The following CKAP5 variants were observed in gnomAD, a reference collection of about 807,000 sequenced individuals.
The protein encoded by CKAP5 is cytoskeleton-associated protein 5.
Under a neutral mutation model 232.8 loss-of-function variants are expected in CKAP5, and 27 were observed. The ratio of observed to expected loss-of-function variants is 0.12; its 90% CI spans 0.09 to 0.16. CKAP5 has a LOEUF of 0.16. Among genes scored for constraint, CKAP5 ranks in the 10% least tolerant of loss-of-function variants. The probability of loss-of-function intolerance (pLI) is 1.00; values close to 1 mark genes in which losing one functional copy is unlikely to be tolerated. For synonymous variants in CKAP5, 785 were observed against 841.1 expected, an observed-to-expected ratio of 0.93 and a Z score of 1.16; for missense variants, 1,838 against 2,424.7, an observed-to-expected ratio of 0.76 and a Z score of 5.08.
At position 46,758,986 on chromosome 11, in the gene CKAP5, G is replaced by A. The variant is rs892595768; in HGVS notation, c.4626C>T (p.Ile1542=). 1.2e-6 allele frequency: 2 copies of A among 1,613,442 alleles called. No homozygotes were observed. Among genetic ancestry groups the A allele is most frequent in the African/African-American group, 2.7e-5 (2 of 74,734 alleles). ...DDMHSNTAST[I]NFIISQVASG... Reference sequence around the variant, plus strand: ...TGGCTACTTGGGAGATAATGAAATTGATTGTGGATGCTGTATTACTGTGCA... The same window carrying A: ...TGGCTACTTGGGAGATAATGAAATTAATTGTGGATGCTGTATTACTGTGCA... Residue 1542 remains isoleucine (I), a synonymous_variant, in exon 35 of 44, where the codon ATC becomes ATT. Transcript: ENST00000529230.
intron 13 of CKAP5, among the ~76,000 whole-genome samples, chr11:46,793,954 C>T (rs1202642793): frequency 7.0e-6 from 1 of 142,152 alleles, no homozygotes; most frequent in East Asian, 2.0e-4. Context: ...AATACTCCTC[C>T]CTTGCATATG....
chr11:46,769,852 C>A (rs567339864), intron 26 of CKAP5, 111 bp downstream of exon 26: 2 of 1,201,774 alleles, frequency 1.7e-6, no homozygotes, highest in East Asian at 2.3e-5. Context: ...GGAAGGAGAG[C>A]TTGGATCTAC....
chr11:46,762,944 A>G, intron 30 of CKAP5, 32 bp downstream of exon 30: 1 of 1,569,576 alleles, frequency 6.4e-7, no homozygotes, highest in Non-Finnish European at 8.8e-7. Context: ...TGGGAACTTA[A>G]GCAGTCTCCC....
chr11:46,763,318 A>G, intron 29 of CKAP5, 139 bp from the exon 30 acceptor site: 1 of 959,668 alleles, frequency 1.0e-6, no homozygotes, highest in Non-Finnish European at 1.5e-6. Flanking sequence ...GACCTAAAAA[A>G]TATACACACA....
chr11:46,803,084 C>T (rs943116970), intron 8 of CKAP5, among the ~76,000 whole-genome samples: 6 of 151,468 alleles, frequency 4.0e-5, no homozygotes, highest in South Asian at 2.1e-4. Flanking sequence ...GGCAACATAG[C>T]GAAACCCTGT....
At chr11:46,780,362 G>T in intron 19 of CKAP5, 43 bp from the exon 20 acceptor site, 1 of 1,613,512 alleles carries the variant, frequency 6.2e-7, no homozygotes. Flanking sequence ...CACAAAGATG[G>T]CAATAATAAC....
At chr11:46,783,412 C>A in intron 17 of CKAP5, 44 bp from the exon 18 acceptor site, 1 of 1,222,648 alleles carries the variant, frequency 8.2e-7, no homozygotes, top group East Asian at 2.4e-5. Context: ...TCTCGTATTT[C>A]TTATAGAAAT....
rs770649996 is a variant in CKAP5, at chr11:46,809,513, AAAC to A, written c.764-16_764-14del. 7.7e-6 allele frequency: 12 copies of A among 1,563,616 alleles called. No individual in the cohort carries two copies. The East Asian group carries it at 2.5e-4, about 32-fold the overall frequency. ...CCATCATCACCACCTTTAAGGAGAA[AAAC>A]AACACAAACCTTAAAAATGCTTAGA... On this transcript the variant is annotated splice_polypyrimidine_tract_variant and intron_variant, in intron 6 of 43. Coordinates refer to ENST00000529230, the MANE Select transcript of CKAP5 (RefSeq NM_001008938.4).
chr11:46,781,709 T>C (rs1383887485), intron 18 of CKAP5, among the ~76,000 whole-genome samples: 1 of 152,106 alleles, frequency 6.6e-6, no homozygotes, highest in Non-Finnish European at 1.5e-5. Flanking sequence ...TCAAATGTCA[T>C]TTTTTCAGGA....
At chr11:46,777,225 A>G (rs2065299017) in intron 23 of CKAP5, among the ~76,000 whole-genome samples, 1 of 152,238 alleles carries the variant, frequency 6.6e-6, no homozygotes, top group South Asian at 2.1e-4. Flanking sequence ...CTCAACAAAG[A>G]TAGCTTATCT....
intron 1 of CKAP5, among the ~76,000 whole-genome samples, chr11:46,825,980 A>C (rs78044002): frequency 1.3e-5 from 2 of 151,980 alleles, no homozygotes; most frequent in South Asian, 2.1e-4. Context: ...TAAAAAAAAA[A>C]CTCACTGTCT....
intron 16 of CKAP5, among the ~76,000 whole-genome samples, chr11:46,787,910 T>C (rs1345193478): frequency 6.6e-6 from 1 of 152,204 alleles, no homozygotes; most frequent in Non-Finnish European, 1.5e-5. Context: ...TCTTACTCTT[T>C]CTCCTCCTTC....
intron 9 of CKAP5, among the ~76,000 whole-genome samples, chr11:46,799,688 C>T (rs1405670072): frequency 2.0e-5 from 3 of 152,172 alleles, no homozygotes; most frequent in Non-Finnish European, 4.4e-5. Flanking sequence ...ATTATCCAAC[C>T]ATAATTTGGT....
intron 32 of CKAP5, among the ~76,000 whole-genome samples, chr11:46,761,665 AC>A (rs1316133341): frequency 6.6e-6 from 1 of 152,220 alleles, no homozygotes; most frequent in Non-Finnish European, 1.5e-5. Context: ...GCACTTTTTA[AC>A]CAAAAACTCG....
At chr11:46,826,250 C>T (rs1284482513) in intron 1 of CKAP5, among the ~76,000 whole-genome samples, 1 of 152,138 alleles carries the variant, frequency 6.6e-6, no homozygotes, top group African/African-American at 2.4e-5. Flanking sequence ...TCACTGTCAA[C>T]ATATCCAAAA....
intron 3 of CKAP5, among the ~76,000 whole-genome samples, chr11:46,817,443 A>G (rs1939428479): frequency 6.6e-6 from 1 of 152,168 alleles, no homozygotes; most frequent in African/African-American, 2.4e-5. Flanking sequence ...AATGAAACCT[A>G]CACTACCGGG....
chr11:46,773,555 T>C (rs2065267595), intron 24 of CKAP5, among the ~76,000 whole-genome samples: 1 of 151,632 alleles, frequency 6.6e-6, no homozygotes. Flanking sequence ...GGACTTTTTT[T>C]TTTTTGAGAT....
chr11:46,795,693 C>G lies in CKAP5; in HGVS notation c.1551G>C (p.Leu517=), dbSNP rs546302287. 2 of 1,614,122 alleles carry G rather than the reference C, an allele frequency of 1.2e-6. No homozygotes were observed. The highest frequency in any genetic ancestry group is 2.7e-5 in the African/African-American group (2 of 75,046). The change falls in exon 13 of 44, where the codon CTG becomes CTC. Residue 517 remains leucine, a synonymous_variant. Coordinates refer to ENST00000529230, the MANE Select transcript of CKAP5 (RefSeq NM_001008938.4). The part of the protein sequence containing the change: ...LAADKKEFKP[L]PGRTAASGAA... ...CCCCTGAAGCAGCAGTCCTTCCAGG[C>G]AGAGGTTTGAATTCCTTCTTATCAG...
chr11:46,769,628 C>T (rs534009277), intron 26 of CKAP5, among the ~76,000 whole-genome samples: 83 of 151,724 alleles, frequency 5.5e-4, no homozygotes, highest in Non-Finnish European at 9.4e-4. Context: ...CCCAGGAGTT[C>T]GAGGTTGCAG....
Sources: allele counts gnomAD v4.1 joint callset (sites outside exome capture counted in the v4.1 genomes callset), GRCh38; gene constraint gnomAD v4.1.1; transcripts MANE v1.5; gene names NCBI Gene and HGNC (gene_info 2026-07-23, HGNC 2026-07-21).